SPIDR: variants seen among roughly 807,000 people sequenced by gnomAD.
SPIDR encodes the protein scaffold protein involved in DNA repair, also known as DNA repair-scaffolding protein.
Under a neutral mutation model 104.6 loss-of-function variants are expected in SPIDR, and 93 were observed. The observed-to-expected ratio is 0.89, with a 90% CI of 0.75 to 1.06. The LOEUF is 1.06. Among genes scored for constraint, SPIDR ranks in the 50% least tolerant of loss-of-function variants. SPIDR has a pLI of 0.00. For missense variants in SPIDR, 1,154 were observed against 1,111.2 expected (o/e 1.04, Z -0.55); for synonymous variants, 431 against 416.9 (o/e 1.03, Z -0.41).
intron 5 of SPIDR, among the ~76,000 whole-genome samples, chr8:47,329,056 G>A (rs1308365813): frequency 3.3e-5 from 5 of 151,192 alleles, no homozygotes; most frequent in African/African-American, 4.9e-5. Flanking sequence ...ACAGGCATGC[G>A]CCACCATGCC....
At chr8:47,518,394 GT>G (rs2083475611) in intron 8 of SPIDR, among the ~76,000 whole-genome samples, 1 of 152,206 alleles carries the variant, frequency 6.6e-6, no homozygotes, top group Non-Finnish European at 1.5e-5. Flanking sequence ...TCTGTTAGAA[GT>G]GTACAAATGT....
At chr8:47,579,018 T>G (rs1176042883) in intron 8 of SPIDR, among the ~76,000 whole-genome samples, 1 of 152,262 alleles carries the variant, frequency 6.6e-6, no homozygotes. Context: ...TGCTTCAGTT[T>G]AGAGTCATTT....
rs1354391290 is a variant in SPIDR, at chr8:47,279,946, G to C, written c.118G>C (p.Gly40Arg). Residue 40 changes from glycine (G) to arginine (R), a missense_variant, in exon 2 of 20, where the codon GGG (glycine) becomes CGG (arginine). Gly to Arg is a moderately radical substitution (Grantham distance 125). Transcript: ENST00000297423. Reference protein sequence around the residue: ...QVRRAGLRTAGAAASLSEAWL... With the variant: ...QVRRAGLRTARAAASLSEAWL... Reference sequence around the variant, plus strand: ...CAGAAGAGCAGGTCTCAGGACAGCAGGGGCAGCTGCCTCTCTCTCTGAAGC... The same window carrying C: ...CAGAAGAGCAGGTCTCAGGACAGCACGGGCAGCTGCCTCTCTCTCTGAAGC... 6.2e-7 allele frequency: 1 copy of C among 1,614,056 alleles called. No homozygotes were observed. Among genetic ancestry groups the C allele is most frequent in the African/African-American group, 1.3e-5 (1 of 74,932 alleles).
chr8:47,584,356 G>A (rs1431731177), intron 8 of SPIDR, among the ~76,000 whole-genome samples: 1 of 152,178 alleles, frequency 6.6e-6, no homozygotes, highest in Non-Finnish European at 1.5e-5. Context: ...CCTTAAATTA[G>A]AGAATTAAGT....
chr8:47,685,497 A>ATTTTTTTTTTTTT (rs1383864694), intron 11 of SPIDR, among the ~76,000 whole-genome samples: 5 of 113,130 alleles, frequency 4.4e-5, no homozygotes, highest in Non-Finnish European at 6.4e-5. Context: ...TTATTTATTT[A>ATTTTTTTTTTTTT]TTTATTTATT....
intron 16 of SPIDR, among the ~76,000 whole-genome samples, chr8:47,723,721 G>A (rs1438569522): frequency 7.9e-5 from 12 of 152,036 alleles, no homozygotes; most frequent in Admixed American, 2.0e-4. Flanking sequence ...GAGCCACCAC[G>A]CCCAGCCCAA....
chr8:47,445,394 T>C (rs540160064), intron 8 of SPIDR, among the ~76,000 whole-genome samples: 51 of 152,348 alleles, frequency 3.3e-4, no homozygotes, highest in Non-Finnish European at 6.5e-4. Flanking sequence ...ACTTAATTGA[T>C]AAATACTGTG....
intron 8 of SPIDR, among the ~76,000 whole-genome samples, chr8:47,568,346 A>G (rs746749798): frequency 2.6e-5 from 4 of 152,178 alleles, no homozygotes; most frequent in Non-Finnish European, 5.9e-5. Flanking sequence ...GGCACAGACT[A>G]AGTACTCAGT....
chr8:47,354,141 T>C (rs2054072627), intron 5 of SPIDR, among the ~76,000 whole-genome samples: 1 of 152,210 alleles, frequency 6.6e-6, no homozygotes. Context: ...AGGTATTATT[T>C]TATATCTTTA....
intron 8 of SPIDR, among the ~76,000 whole-genome samples, chr8:47,591,544 T>G (rs2061012790): frequency 6.6e-6 from 1 of 151,992 alleles, no homozygotes; most frequent in African/African-American, 2.4e-5. Context: ...GGTCACAAGC[T>G]TTTTTTGAAG....
At chr8:47,436,811 A>G (rs1299509160) in intron 7 of SPIDR, among the ~76,000 whole-genome samples, 1 of 152,102 alleles carries the variant, frequency 6.6e-6, no homozygotes, top group African/African-American at 2.4e-5. Flanking sequence ...GGAGGAGCTT[A>G]CCCTGCTTTT....
chr8:47,490,777 A>G (rs1554738694), intron 8 of SPIDR, among the ~76,000 whole-genome samples: 1 of 152,206 alleles, frequency 6.6e-6, no homozygotes, highest in Non-Finnish European at 1.5e-5. Flanking sequence ...GTTCTCACTC[A>G]TAGGTGAGAA....
chr8:47,660,438 G>A, intron 10 of SPIDR: 1 of 985,390 alleles, frequency 1.0e-6, no homozygotes, highest in Non-Finnish European at 1.2e-6. Flanking sequence ...CTTCCAACAT[G>A]GTCCAGGCCT....
At chr8:47,685,477 T>TTTTA (rs35880765) in intron 11 of SPIDR, among the ~76,000 whole-genome samples, 22,457 of 131,412 alleles carry the variant, frequency 0.17, 2,591 homozygotes, top group Admixed American at 0.28. Flanking sequence ...AGGTCAGTGG[T>TTTTA]TTTATTTATT....
intron 1 of SPIDR, among the ~76,000 whole-genome samples, chr8:47,274,832 C>T (rs2036053270): frequency 6.6e-6 from 1 of 151,696 alleles, no homozygotes; most frequent in South Asian, 2.1e-4. Context: ...CCTCAGCCTC[C>T]CAAAGTGCTG....
chr8:47,571,008 T>G (rs937339390), intron 8 of SPIDR, among the ~76,000 whole-genome samples: 8 of 152,062 alleles, frequency 5.3e-5, no homozygotes, highest in Non-Finnish European at 1.2e-4. Flanking sequence ...GGAGAATTGC[T>G]TGAACCCGGG....
intron 10 of SPIDR, among the ~76,000 whole-genome samples, chr8:47,661,155 C>T (rs1276810277): frequency 6.6e-6 from 1 of 152,198 alleles, no homozygotes; most frequent in South Asian, 2.1e-4. Flanking sequence ...ATTCACTTGA[C>T]GGACTGTTAT....
At chr8:47,500,924 G>C (rs55841214) in intron 8 of SPIDR, among the ~76,000 whole-genome samples, 6,338 of 152,126 alleles carry the variant, frequency 0.042, 171 homozygotes, top group Middle Eastern at 0.071. Flanking sequence ...GCTTGTTTTT[G>C]TCAGGTTTGT....
intron 10 of SPIDR, among the ~76,000 whole-genome samples, chr8:47,647,651 A>AGG (rs2070738965): frequency 1.6e-5 from 2 of 122,064 alleles, no homozygotes; most frequent in South Asian, 2.5e-4. Flanking sequence ...AGAGAGAGAG[A>AGG]GAGGGAGAGA....
Sources: allele counts gnomAD v4.1 joint callset (sites outside exome capture counted in the v4.1 genomes callset), GRCh38; gene constraint gnomAD v4.1.1; transcripts MANE v1.5; gene names NCBI Gene and HGNC (gene_info 2026-07-23, HGNC 2026-07-21).